Variants in TMEM230 observed in about 807,000 individuals in gnomAD.
The protein encoded by TMEM230 is transmembrane protein 230.
Under a neutral mutation model 15.8 loss-of-function variants are expected in TMEM230, and 10 were observed. The ratio of observed to expected loss-of-function variants is 0.63; its 90% CI spans 0.39 to 1.07. TMEM230 has a LOEUF of 1.07. Ranked by LOEUF, TMEM230 falls within the 50% of genes least tolerant of loss-of-function variation. The pLI, the probability that TMEM230 is intolerant of heterozygous loss-of-function variation, is 0.01. For missense variants in TMEM230, 165 were observed against 193.3 expected (o/e 0.85, Z 0.87); for synonymous variants, 67 against 76.9 (o/e 0.87, Z 0.68).
chr20:5,092,075 G>T (rs6038067), intron 3 of TMEM230, among the ~76,000 whole-genome samples: 82,657 of 151,992 alleles, frequency 0.54, 22,976 homozygotes, highest in East Asian at 0.84. Context: ...TGTGACTTTC[G>T]AGACTTTGTG....
chr20:5,066,316 T>G (rs2088652147), downstream of TMEM230: 1 of 152,154 alleles, frequency 6.6e-6, no homozygotes, highest in South Asian at 2.1e-4. Flanking sequence ...CTCCTAGAGT[T>G]CTGGAGCATC....
At position 5,100,750 on chromosome 20, in the gene TMEM230, G is replaced by A. The variant is rs774741142; in HGVS notation, c.*41C>T. The A allele has an allele frequency of 6.2e-7, 1 of 1,607,570 alleles. No individual in the cohort carries two copies. Among genetic ancestry groups the A allele is most frequent in the Admixed American group, 1.7e-5 (1 of 59,634 alleles). On this transcript the variant is annotated 3_prime_UTR_variant, in exon 5 of 5. Coordinates refer to ENST00000342308, the MANE Select transcript of TMEM230 (RefSeq NM_001009923.2). ...TTTCTGCTAGATATCTTAAAGCTGG[G>A]ACAGTTCCACTGTGACTCCTCCTCA...
chr20:5,082,399 C>A lies in TMEM230; in HGVS notation c.223-13050G>T, dbSNP rs1284412005. Among the ~76,000 whole-genome samples the A allele has an allele frequency of 2.0e-5, 3 of 151,792 alleles. No homozygotes were observed. In the East Asian group the frequency reaches 5.8e-4, roughly 29 times the overall value. On this transcript the variant is annotated intron_variant, in intron 3 of 3. Coordinates refer to the TMEM230 transcript ENST00000612323. ...GGAACTGCAGGTGCATGCCACCATG[C>A]CTGGCTAATTTTTGTATTTTTAGTT...
intron 2 of TMEM230, 62 bp from the exon 2 acceptor site, chr20:5,109,507 A>G (rs1056412550): frequency 1.2e-5 from 16 of 1,302,060 alleles, no homozygotes; most frequent in Non-Finnish European, 1.6e-5. Flanking sequence ...ATTATAGCCA[A>G]TGAGTTCAGG....
At position 5,112,404 on chromosome 20, in the gene TMEM230, G is replaced by C. The variant is rs533906038; in HGVS notation, c.68+557C>G. Among the ~76,000 whole-genome samples the C allele has an allele frequency of 3.9e-5, 6 of 152,286 alleles. No individual in the cohort carries two copies. In the South Asian group the frequency reaches 1.0e-3, roughly 26 times the overall value. On this transcript the variant is annotated intron_variant, in intron 1 of 4. Transcript: ENST00000342308. ...AACTACCAGTATGTGTGGTTTTTGA[G>C]GGCATTTAACCACATCTAACTTGCA...
chr20:5,076,266 C>T (rs917572303), intron 3 of TMEM230, among the ~76,000 whole-genome samples: 5 of 151,970 alleles, frequency 3.3e-5, no homozygotes, highest in Admixed American at 3.3e-4. Flanking sequence ...GTTGGCTGGG[C>T]ATGGTAGCTC....
chr20:5,072,888 C>T (rs1336147068), intron 3 of TMEM230, among the ~76,000 whole-genome samples: 1 of 142,060 alleles, frequency 7.0e-6, no homozygotes, highest in African/African-American at 2.6e-5. Context: ...TCAGTTCCAA[C>T]TTCTCTGTGG....
Position 5,101,170 on chromosome 20 carries a change from C to T in TMEM230, c.412-239G>A, listed in dbSNP as rs112242838. ...CATCCAGATATTTTGGCTTCTTTTC[C>T]TTTTTTTAAAGCTCTTAGTTGTGAA... On this transcript the variant is annotated intron_variant, in intron 4 of 4. Coordinates refer to ENST00000342308, the MANE Select transcript of TMEM230 (RefSeq NM_001009923.2). 1.0e-3 allele frequency among the ~76,000 whole-genome samples: 155 copies of T among 152,048 alleles called. 3 individuals are homozygous for T. In the South Asian group the frequency reaches 0.015, roughly 15 times the overall value.
At chr20:5,107,669 C>T (rs2090148461) in intron 3 of TMEM230, among the ~76,000 whole-genome samples, 1 of 152,072 alleles carries the variant, frequency 6.6e-6, no homozygotes, top group Non-Finnish European at 1.5e-5. Context: ...TTAAAATTAG[C>T]TGGGTGTGGT....
intron 2 of TMEM230, among the ~76,000 whole-genome samples, chr20:5,110,433 T>C (rs1444694129): frequency 1.3e-5 from 2 of 152,038 alleles, no homozygotes; most frequent in Admixed American, 1.3e-4. Context: ...TACAGGCGTG[T>C]GCCACCACGC....
chr20:5,113,068 G>A lies in TMEM230; in HGVS notation c.-40C>T, dbSNP rs768455565. ...AAGTGCCACTCAGCCGGCCCCAGGC[G>A]GGATCAGTGCGCCGGAAGTGGCGTG... On this transcript the variant is annotated 5_prime_UTR_variant, in exon 1 of 5. Coordinates refer to ENST00000342308, the MANE Select transcript of TMEM230 (RefSeq NM_001009923.2). 134 of 1,539,296 alleles carry A rather than the reference G, an allele frequency of 8.7e-5. No individual in the cohort carries two copies. Among genetic ancestry groups the A allele is most frequent in the South Asian group, 4.8e-5 (4 of 83,862 alleles).
Position 5,099,987 on chromosome 20 carries a change from C to T in TMEM230, c.*804G>A, listed in dbSNP as rs2089789266. On this transcript the variant is annotated 3_prime_UTR_variant, in exon 5 of 5. Transcript: ENST00000342308. ...AGTCCTCTAGGCATCCAGGCTGATC[C>T]TTGGAATCATGAGCAGAATGATGAC... 1.0e-6 allele frequency: 1 copy of T among 985,162 alleles called. No individual in the cohort carries two copies. The highest frequency in any genetic ancestry group is 1.2e-6 in the Non-Finnish European group (1 of 829,916). The allele number at this position is 985,162 out of a possible 1,614,324, so 61.0% of individuals were successfully genotyped here. A position where few individuals can be genotyped will look rare whatever the true frequency, so the allele number is the denominator to read the frequency against.
At chr20:5,099,236 CAATCAATCAAT>C (rs370456652), downstream of TMEM230, among the ~76,000 whole-genome samples, 26,771 of 76,160 alleles carry the variant, frequency 0.35, 3,010 homozygotes, top group South Asian at 0.54. Context: ...ATAAATAAAT[CAATCAATCAAT>C]AATAAATAAA....
the TMEM230 span, among the ~76,000 whole-genome samples, chr20:5,061,639 G>A: frequency 7.2e-5 from 11 of 152,238 alleles, no homozygotes; most frequent in African/African-American, 2.6e-4. Flanking sequence ...TGAGAACATA[G>A]GTCATAGGCT....
chr20:5,112,118 A>C (rs1190704856), intron 1 of TMEM230, among the ~76,000 whole-genome samples: 3 of 152,252 alleles, frequency 2.0e-5, no homozygotes, highest in Non-Finnish European at 4.4e-5. Flanking sequence ...TGCTGGGATT[A>C]CAGGCGTGAG....
At chr20:5,091,145 TG>T (rs2089493867) in intron 3 of TMEM230, among the ~76,000 whole-genome samples, 1 of 152,214 alleles carries the variant, frequency 6.6e-6, no homozygotes, top group South Asian at 2.1e-4. Context: ...ACTACAGGTA[TG>T]GGTCACAGAG....
downstream of TMEM230, among the ~76,000 whole-genome samples, chr20:5,063,295 T>A: frequency 7.3e-6 from 1 of 137,720 alleles, no homozygotes; most frequent in Non-Finnish European, 1.6e-5. Context: ...TTTTTTTTTT[T>A]TTTTTTTTTT....
chr20:5,100,249 A>T lies in TMEM230; in HGVS notation c.*542T>A. The T allele has an allele frequency of 1.0e-6, 1 of 985,622 alleles. No individual in the cohort carries two copies. Among genetic ancestry groups the T allele is most frequent in the Non-Finnish European group, 1.2e-6 (1 of 830,090 alleles). The allele number at this position is 985,622 out of a possible 1,614,324, so 61.1% of individuals were successfully genotyped here. ...ACATTTTGAAAACTTGCTCTGCAGG[A>T]TAAAAAAATTCCTGGTTGCTGTCAG... On this transcript the variant is annotated 3_prime_UTR_variant, in exon 5 of 5. Coordinates refer to ENST00000342308, the MANE Select transcript of TMEM230 (RefSeq NM_001009923.2).
At chr20:5,078,034 C>CAT (rs1294457077) in intron 3 of TMEM230, among the ~76,000 whole-genome samples, 2 of 152,122 alleles carry the variant, frequency 1.3e-5, no homozygotes, top group African/African-American at 4.8e-5. Context: ...GAATGACACA[C>CAT]AGACATCAAC....
Sources: gnomAD v4.1 joint callset for allele counts (sites outside exome capture counted in the v4.1 genomes callset) on GRCh38, gnomAD v4.1.1 for gene constraint, MANE v1.5 for transcripts, NCBI Gene and HGNC (gene_info 2026-07-23, HGNC 2026-07-21) for gene names.